Variants in TLL1 observed in about 807,000 individuals in gnomAD.
TLL1 encodes tolloid-like protein 1.
A neutral mutation model predicts 128.2 loss-of-function variants in TLL1; 49 were observed. The observed-to-expected ratio is 0.38, with a 90% CI of 0.30 to 0.48. TLL1 has a LOEUF of 0.48. Ranked by LOEUF, TLL1 falls within the 20% of genes least tolerant of loss-of-function variation. The probability of loss-of-function intolerance (pLI) is 0.96; values close to 1 mark genes in which losing one functional copy is unlikely to be tolerated. For synonymous variants in TLL1, 454 were observed against 418.8 expected, an observed-to-expected ratio of 1.08 and a Z score of -1.03; for missense variants, 1,123 against 1,242.0, an observed-to-expected ratio of 0.90 and a Z score of 1.44.
At chr4:165,888,907 T>G (rs13110600) in intron 1 of TLL1, among the ~76,000 whole-genome samples, 62,250 of 151,954 alleles carry the variant, frequency 0.41, 13,250 homozygotes, top group East Asian at 0.69. Context: ...TAAAGCCCTA[T>G]GAGACATCAA....
chr4:165,878,620 A>G (rs1433515582), intron 1 of TLL1, among the ~76,000 whole-genome samples: 3 of 152,120 alleles, frequency 2.0e-5, no homozygotes, highest in African/African-American at 7.2e-5. Context: ...CAAGGTCAAA[A>G]GCTCTTCTTT....
At chr4:166,070,982 A>G (rs1740787057) in intron 16 of TLL1, among the ~76,000 whole-genome samples, 3 of 151,960 alleles carry the variant, frequency 2.0e-5, no homozygotes. Flanking sequence ...GTTTATAGAA[A>G]GAGAAAATTG....
chr4:166,021,223 C>CA (rs146416520), intron 8 of TLL1, among the ~76,000 whole-genome samples: 31,030 of 146,924 alleles, frequency 0.21, 3,263 homozygotes, highest in African/African-American at 0.27. Context: ...TGCCAAGATG[C>CA]AAAAAAAAAA....
At chr4:165,938,144 GT>G (rs1733849487) in intron 1 of TLL1, among the ~76,000 whole-genome samples, 1 of 151,804 alleles carries the variant, frequency 6.6e-6, no homozygotes, top group Non-Finnish European at 1.5e-5. Flanking sequence ...TAGTTTTAGT[GT>G]TTGTTTGGTT....
intron 16 of TLL1, 81 bp downstream of exon 16, chr4:166,065,944 A>G (rs2111126030): frequency 1.0e-6 from 1 of 969,530 alleles, no homozygotes; most frequent in East Asian, 4.3e-5. Flanking sequence ...TCTATTTTTC[A>G]TAGTTTTCTG....
At chr4:165,953,152 C>T (rs1734607305) in intron 1 of TLL1, among the ~76,000 whole-genome samples, 1 of 151,964 alleles carries the variant, frequency 6.6e-6, no homozygotes, top group Non-Finnish European at 1.5e-5. Flanking sequence ...TATCAGAGTG[C>T]CATGGTGAAA....
chr4:165,889,824 A>G (rs1436421724), intron 1 of TLL1, among the ~76,000 whole-genome samples: 2 of 152,208 alleles, frequency 1.3e-5, no homozygotes, highest in African/African-American at 4.8e-5. Flanking sequence ...TATTTAAAAT[A>G]AGTTGAATTG....
intron 1 of TLL1, among the ~76,000 whole-genome samples, chr4:165,955,235 ATAAAAAG>A (rs1734726033): frequency 6.6e-6 from 1 of 152,082 alleles, no homozygotes; most frequent in South Asian, 2.1e-4. Flanking sequence ...TAAAATAAAA[ATAAAAAG>A]AAAGAAAAAA....
chr4:165,938,373 G>A (rs1354085376), intron 1 of TLL1, among the ~76,000 whole-genome samples: 1 of 152,018 alleles, frequency 6.6e-6, no homozygotes, highest in East Asian at 1.9e-4. Context: ...GTGCCTTAGT[G>A]CAGGTCTTCA....
chr4:166,030,145 C>T (rs967266936), intron 9 of TLL1, among the ~76,000 whole-genome samples: 2 of 152,090 alleles, frequency 1.3e-5, no homozygotes, highest in Non-Finnish European at 2.9e-5. Context: ...CCATCCTCAC[C>T]AACACTTGTT....
At chr4:165,919,786 T>C (rs1474783312) in intron 1 of TLL1, 1 of 456,078 alleles carries the variant, frequency 2.2e-6, no homozygotes, top group Non-Finnish European at 4.4e-6. Context: ...TTGCAGGCCT[T>C]GTTTAAAACA....
At chr4:165,990,200 G>A (rs947257210) in intron 2 of TLL1, among the ~76,000 whole-genome samples, 22 of 151,508 alleles carry the variant, frequency 1.5e-4, no homozygotes, top group Admixed American at 2.0e-4. Flanking sequence ...GTAGTATCTT[G>A]GTAAAATTTT....
chr4:165,992,740 T>G (rs1304624620), intron 2 of TLL1, 64 bp from the exon 3 acceptor site: 1 of 1,430,002 alleles, frequency 7.0e-7, no homozygotes, highest in Non-Finnish European at 9.9e-7. Context: ...TGCCTATGAC[T>G]GTTTTTTATT....
At chr4:166,014,674 G>A (rs1163016602) in intron 8 of TLL1, 114 bp downstream of exon 8, 9 of 1,494,110 alleles carry the variant, frequency 6.0e-6, no homozygotes, top group African/African-American at 2.8e-5. Flanking sequence ...GGCAAGTGAC[G>A]TGTACAGTTC....
At chr4:166,094,208 A>G (rs1741915221) in intron 19 of TLL1, among the ~76,000 whole-genome samples, 1 of 152,194 alleles carries the variant, frequency 6.6e-6, no homozygotes, top group African/African-American at 2.4e-5. Flanking sequence ...CTCATTTTGC[A>G]GACAAAGACA....
At chr4:165,946,945 G>A (rs1734278628) in intron 1 of TLL1, among the ~76,000 whole-genome samples, 2 of 152,092 alleles carry the variant, frequency 1.3e-5, no homozygotes, top group African/African-American at 4.8e-5. Flanking sequence ...ATTATGTCTT[G>A]TAGTTATGTT....
chr4:166,095,841 T>C (rs1741992421), intron 19 of TLL1, among the ~76,000 whole-genome samples: 2 of 152,228 alleles, frequency 1.3e-5, no homozygotes, highest in South Asian at 4.1e-4. Context: ...CTTTAGTTGC[T>C]GTAAAAATGC....
intron 1 of TLL1, among the ~76,000 whole-genome samples, chr4:165,897,629 C>A (rs12506232): frequency 7.1e-6 from 1 of 141,808 alleles, no homozygotes; most frequent in Non-Finnish European, 1.5e-5. Context: ...GTTACTGTAG[C>A]CTTATAGTAT....
intron 6 of TLL1, among the ~76,000 whole-genome samples, chr4:166,006,884 C>A (rs916105273): frequency 6.6e-6 from 1 of 151,660 alleles, no homozygotes; most frequent in South Asian, 2.1e-4. Context: ...ATTGGAGAGA[C>A]ATAACTCAAT....
Sources: allele counts gnomAD v4.1 joint callset (sites outside exome capture counted in the v4.1 genomes callset), GRCh38; gene constraint gnomAD v4.1.1; transcripts MANE v1.5; gene names NCBI Gene and HGNC (gene_info 2026-07-23, HGNC 2026-07-21).